Variants in CERS6 observed in about 807,000 individuals in gnomAD.
CERS6 encodes ceramide synthase 6, also known as LAG1 homolog, ceramide synthase 6.
Under a neutral mutation model 56.8 loss-of-function variants are expected in CERS6, and 26 were observed. That is an observed-to-expected ratio of 0.46 (90% CI 0.34 to 0.63). The LOEUF (loss-of-function observed/expected upper bound fraction) is 0.63, where lower values mean the gene tolerates loss of function less well. Ranked by LOEUF, CERS6 falls within the 30% of genes least tolerant of loss-of-function variation. The pLI, the probability that CERS6 is intolerant of heterozygous loss-of-function variation, is 0.01. For synonymous variants in CERS6, 164 were observed against 173.3 expected (o/e 0.95, Z 0.42); for missense variants, 415 against 467.5 (o/e 0.89, Z 1.04).
chr2:168,692,057 G>T (rs935519134), intron 5 of CERS6, among the ~76,000 whole-genome samples: 1 of 152,146 alleles, frequency 6.6e-6, no homozygotes, highest in African/African-American at 2.4e-5. Flanking sequence ...CTAGTTCAAC[G>T]TTAAGGACAC....
chr2:168,562,227 T>G (rs969134592), intron 3 of CERS6, among the ~76,000 whole-genome samples: 2 of 152,182 alleles, frequency 1.3e-5, no homozygotes. Flanking sequence ...TGGCTTTCAA[T>G]TATGTGAAAA....
intron 1 of CERS6, among the ~76,000 whole-genome samples, chr2:168,528,345 C>T (rs1574044624): frequency 6.6e-6 from 1 of 152,308 alleles, no homozygotes; most frequent in East Asian, 1.9e-4. Context: ...GGGGCTGCCC[C>T]CTCATCAGGG....
intron 4 of CERS6, among the ~76,000 whole-genome samples, chr2:168,678,485 T>C (rs1307370469): frequency 1.3e-5 from 2 of 152,230 alleles, no homozygotes; most frequent in Non-Finnish European, 2.9e-5. Context: ...TTTTGGTTTA[T>C]TGTTTTAAGT....
intron 8 of CERS6, among the ~76,000 whole-genome samples, chr2:168,757,347 A>G (rs2105453552): frequency 6.7e-6 from 1 of 149,422 alleles, no homozygotes; most frequent in Admixed American, 6.7e-5. Context: ...GGCAGCAACT[A>G]CTTTTGGAGG....
At chr2:168,642,957 G>T (rs1291997318) in intron 4 of CERS6, among the ~76,000 whole-genome samples, 2 of 152,182 alleles carry the variant, frequency 1.3e-5, no homozygotes, top group African/African-American at 4.8e-5. Context: ...AAATGATGTG[G>T]TATCATAACA....
At chr2:168,545,415 A>C (rs1695448211) in intron 1 of CERS6, among the ~76,000 whole-genome samples, 1 of 152,216 alleles carries the variant, frequency 6.6e-6, no homozygotes, top group African/African-American at 2.4e-5. Flanking sequence ...TTGGAATTTA[A>C]AGAAAATAGA....
At chr2:168,648,586 G>A (rs1685261218) in intron 4 of CERS6, among the ~76,000 whole-genome samples, 1 of 151,982 alleles carries the variant, frequency 6.6e-6, no homozygotes, top group Non-Finnish European at 1.5e-5. Context: ...ATTTGTTCTT[G>A]TTCCTTTAAT....
chr2:168,572,360 C>A (rs1000874997), intron 3 of CERS6, among the ~76,000 whole-genome samples: 17 of 151,898 alleles, frequency 1.1e-4, no homozygotes, highest in African/African-American at 2.7e-4. Flanking sequence ...AAATAACAAT[C>A]CTTTGTAATA....
chr2:168,477,466 C>CT (rs1367419137), intron 1 of CERS6, among the ~76,000 whole-genome samples: 1 of 152,134 alleles, frequency 6.6e-6, no homozygotes, highest in African/African-American at 2.4e-5. Flanking sequence ...GAAAAGTCAA[C>CT]TTTTTTCTAG....
chr2:168,607,746 G>A (rs995290660), intron 3 of CERS6, among the ~76,000 whole-genome samples: 1 of 152,008 alleles, frequency 6.6e-6, no homozygotes, highest in African/African-American at 2.4e-5. Context: ...AATAAAGAAA[G>A]TATAAAAGGT....
chr2:168,643,063 C>A (rs1685086489), intron 4 of CERS6, among the ~76,000 whole-genome samples: 1 of 152,212 alleles, frequency 6.6e-6, no homozygotes, highest in Non-Finnish European at 1.5e-5. Context: ...AATAACTATA[C>A]CGCAGTGTTC....
At chr2:168,658,775 C>T (rs1333094579) in intron 4 of CERS6, among the ~76,000 whole-genome samples, 2 of 152,212 alleles carry the variant, frequency 1.3e-5, no homozygotes, top group East Asian at 1.9e-4. Context: ...TAAGTTCTTA[C>T]AGCACATTAT....
At position 168,518,542 on chromosome 2, in the gene CERS6, T is replaced by A. The variant is rs1694922971; in HGVS notation, c.171-29054T>A. 2.6e-5 allele frequency among the ~76,000 whole-genome samples: 4 copies of A among 152,168 alleles called. No individual in the cohort carries two copies. In the South Asian group the frequency reaches 8.3e-4, roughly 31 times the overall value. On this transcript the variant is annotated intron_variant, in intron 1 of 9. Coordinates refer to ENST00000305747, the MANE Select transcript of CERS6 (RefSeq NM_203463.3). ...TTCTTCTCTTCCTGCCTCCTGCCTC[T>A]CCTTCCTCCCACTCCCTAATTTTTC...
At chr2:168,719,117 C>T (rs1359457260) in intron 8 of CERS6, among the ~76,000 whole-genome samples, 1 of 152,102 alleles carries the variant, frequency 6.6e-6, no homozygotes, top group African/African-American at 2.4e-5. Flanking sequence ...ATTTACTGGT[C>T]ATTTGCTGCA....
intron 1 of CERS6, among the ~76,000 whole-genome samples, chr2:168,465,059 G>T (rs541999502): frequency 6.6e-6 from 1 of 152,294 alleles, no homozygotes; most frequent in African/African-American, 2.4e-5. Flanking sequence ...TGAAGTCAGG[G>T]TCTCAGAGAT....
intron 8 of CERS6, among the ~76,000 whole-genome samples, chr2:168,764,850 A>G (rs1684685294): frequency 6.6e-6 from 1 of 152,238 alleles, no homozygotes; most frequent in Non-Finnish European, 1.5e-5. Context: ...AGGGGGAAAC[A>G]TATGATCCAA....
chr2:168,629,150 T>C (rs934095026), intron 3 of CERS6, among the ~76,000 whole-genome samples: 1 of 152,210 alleles, frequency 6.6e-6, no homozygotes, highest in Non-Finnish European at 1.5e-5. Context: ...AGAATCTATG[T>C]GTTATGAAAA....
At chr2:168,593,287 G>A (rs1302520274) in intron 3 of CERS6, among the ~76,000 whole-genome samples, 3 of 152,164 alleles carry the variant, frequency 2.0e-5, no homozygotes, top group Admixed American at 6.5e-5. Flanking sequence ...CTGGAGATTA[G>A]GATGTGGATA....
intron 1 of CERS6, among the ~76,000 whole-genome samples, chr2:168,484,905 A>G (rs1376508750): frequency 2.0e-5 from 3 of 152,230 alleles, no homozygotes; most frequent in Non-Finnish European, 4.4e-5. Context: ...ATAACGCTTC[A>G]TATTCTCTCA....
Sources: gnomAD v4.1 joint callset for allele counts (sites outside exome capture counted in the v4.1 genomes callset) on GRCh38, gnomAD v4.1.1 for gene constraint, MANE v1.5 for transcripts, NCBI Gene and HGNC (gene_info 2026-07-23, HGNC 2026-07-21) for gene names.